NRXN3: variants seen among roughly 807,000 people sequenced by gnomAD.
NRXN3 encodes the protein neurexin III.
NRXN3 carries 32 observed loss-of-function variants against 137.6 expected under a neutral mutation model. That is an observed-to-expected ratio of 0.23 (90% CI 0.18 to 0.31). The LOEUF is 0.31. NRXN3 is among the 10% of genes least tolerant of loss of function. The pLI, the probability that NRXN3 is intolerant of heterozygous loss-of-function variation, is 1.00. For synonymous variants in NRXN3, 798 were observed against 784.5 expected (o/e 1.02, Z -0.29); for missense variants, 1,574 against 2,062.5 (o/e 0.76, Z 4.59).
intron 4 of NRXN3, among the ~76,000 whole-genome samples, chr14:78,328,366 T>C (rs866430724): frequency 6.6e-6 from 1 of 152,204 alleles, no homozygotes; most frequent in African/African-American, 2.4e-5. Flanking sequence ...TAATAGGAGA[T>C]TTGATTCATG....
intron 19 of NRXN3, among the ~76,000 whole-genome samples, chr14:79,748,585 T>C (rs2098986889): frequency 6.6e-6 from 1 of 152,124 alleles, no homozygotes; most frequent in Admixed American, 6.6e-5. Context: ...TGCTGAGTTA[T>C]GGACGATGCA....
chr14:78,616,340 A>C (rs2097347261), intron 4 of NRXN3, among the ~76,000 whole-genome samples: 1 of 152,066 alleles, frequency 6.6e-6, no homozygotes, highest in Non-Finnish European at 1.5e-5. Flanking sequence ...AAATTCATCA[A>C]GCTCTTTTCT....
At chr14:78,238,746 T>A (rs1482232421) in intron 1 of NRXN3, among the ~76,000 whole-genome samples, 1 of 152,220 alleles carries the variant, frequency 6.6e-6, no homozygotes, top group Non-Finnish European at 1.5e-5. Context: ...TTGGGTTTCC[T>A]CAGTCAGCCT....
intron 10 of NRXN3, among the ~76,000 whole-genome samples, chr14:78,843,836 C>T (rs916859475): frequency 6.6e-6 from 1 of 151,948 alleles, no homozygotes. Context: ...TATGGCTGGC[C>T]CCAAGTCTGC....
chr14:78,456,901 C>T (rs2094748715), intron 4 of NRXN3, among the ~76,000 whole-genome samples: 1 of 146,434 alleles, frequency 6.8e-6, no homozygotes, highest in South Asian at 2.2e-4. Context: ...TTCGTTCATT[C>T]CTCCTTCCTT....
chr14:78,669,863 A>G lies in NRXN3; in HGVS notation c.1221+18537A>G, dbSNP rs184937708. On this transcript the variant is annotated intron_variant, in intron 6 of 20. Transcript: ENST00000335750. Reference sequence around the variant, plus strand: ...GGATTTTTTTAAATTTTATGTATTTATTTATTTTTTATTATACTGTAAGTT... The same window carrying G: ...GGATTTTTTTAAATTTTATGTATTTGTTTATTTTTTATTATACTGTAAGTT... 4.6e-5 allele frequency among the ~76,000 whole-genome samples: 7 copies of G among 151,996 alleles called. No individual in the cohort carries two copies. The South Asian group carries it at 6.3e-4, about 14-fold the overall frequency.
intron 15 of NRXN3, among the ~76,000 whole-genome samples, chr14:79,050,817 G>A (rs1767984344): frequency 6.6e-6 from 1 of 152,082 alleles, no homozygotes; most frequent in South Asian, 2.1e-4. Context: ...CTTATTCCCT[G>A]GATTCTCCTA....
At chr14:79,696,634 T>C (rs1231388763) in intron 18 of NRXN3, among the ~76,000 whole-genome samples, 1 of 151,674 alleles carries the variant, frequency 6.6e-6, no homozygotes, top group Non-Finnish European at 1.5e-5. Context: ...GTAGAAAGAG[T>C]TGGGAGGAAT....
At chr14:78,947,367 C>T (rs981058063) in intron 10 of NRXN3, among the ~76,000 whole-genome samples, 2 of 152,190 alleles carry the variant, frequency 1.3e-5, no homozygotes, top group East Asian at 3.9e-4. Flanking sequence ...TCTGAAAATA[C>T]CGTATTCCCA....
intron 15 of NRXN3, among the ~76,000 whole-genome samples, chr14:79,100,404 T>C (rs555103932): frequency 1.3e-5 from 2 of 152,388 alleles, no homozygotes; most frequent in East Asian, 3.9e-4. Context: ...TATACTTCTC[T>C]AGCTTTGCAA....
At chr14:79,853,841 T>A (rs920126231) in intron 20 of NRXN3, 39 of 982,614 alleles carry the variant, frequency 4.0e-5, no homozygotes, top group Non-Finnish European at 4.5e-5. Context: ...GTCATAGAAT[T>A]TTTTGAAAGG....
chr14:79,236,863 A>G (rs1321251991), intron 15 of NRXN3, among the ~76,000 whole-genome samples: 1 of 152,144 alleles, frequency 6.6e-6, no homozygotes, highest in African/African-American at 2.4e-5. Context: ...GCAGTGAACC[A>G]GATTGTGCCA....
intron 15 of NRXN3, among the ~76,000 whole-genome samples, chr14:79,269,552 C>T (rs1447212571): frequency 6.6e-6 from 1 of 152,124 alleles, no homozygotes; most frequent in Admixed American, 6.5e-5. Flanking sequence ...GAGAGATGGC[C>T]TTGTGTTGGT....
rs190444398 is a variant in NRXN3, at chr14:79,046,488, G to C, written c.3262+58347G>C. Among the ~76,000 whole-genome samples the C allele has an allele frequency of 4.5e-3, 686 of 152,302 alleles. 2 individuals are homozygous for C. The highest frequency in any genetic ancestry group is 5.4e-3 in the Non-Finnish European group (370 of 68,032). On this transcript the variant is annotated intron_variant, in intron 15 of 20. Transcript: ENST00000335750. ...CCCTAATTTTTTGCCTAAATGAAAT[G>C]TGCTACAGGCCTGAGTATACCTAAA...
chr14:79,456,016 T>C (rs1357574018), intron 15 of NRXN3, among the ~76,000 whole-genome samples: 1 of 152,170 alleles, frequency 6.6e-6, no homozygotes, highest in Admixed American at 6.5e-5. Context: ...CTGAAGTTTA[T>C]ATGACTTGAT....
chr14:78,935,374 G>A (rs1428351233), intron 10 of NRXN3, among the ~76,000 whole-genome samples: 1 of 152,094 alleles, frequency 6.6e-6, no homozygotes, highest in Non-Finnish European at 1.5e-5. Context: ...TCCATGTATA[G>A]AGCCATCCCT....
At chr14:78,566,283 C>T (rs2096835063) in intron 4 of NRXN3, among the ~76,000 whole-genome samples, 1 of 152,140 alleles carries the variant, frequency 6.6e-6, no homozygotes, top group African/African-American at 2.4e-5. Context: ...CTACTGTCCT[C>T]AGCTCTGTTT....
chr14:79,629,823 G>A (rs1456181207), intron 16 of NRXN3, among the ~76,000 whole-genome samples: 1 of 73,218 alleles, frequency 1.4e-5, no homozygotes, highest in Non-Finnish European at 2.4e-5. Flanking sequence ...GCGTGTGTGT[G>A]TGCGTGTGTG....
At chr14:78,578,988 T>G (rs2152347203) in intron 4 of NRXN3, among the ~76,000 whole-genome samples, 1 of 150,232 alleles carries the variant, frequency 6.7e-6, no homozygotes, top group East Asian at 2.0e-4. Flanking sequence ...GAAGCTGAGG[T>G]TTTACAAGTG....
Sources: gnomAD v4.1 joint callset for allele counts (sites outside exome capture counted in the v4.1 genomes callset) on GRCh38, gnomAD v4.1.1 for gene constraint, MANE v1.5 for transcripts, NCBI Gene and HGNC (gene_info 2026-07-23, HGNC 2026-07-21) for gene names.